The following CCR3 variants were observed in gnomAD, a reference collection of about 807,000 sequenced individuals.
The protein encoded by CCR3 is C-C chemokine receptor type 3.
For synonymous variants in CCR3, 203 were observed against 179.2 expected, an observed-to-expected ratio of 1.13 and a Z score of -1.06; for missense variants, 419 against 437.5, an observed-to-expected ratio of 0.96 and a Z score of 0.38.
intron 2 of CCR3, among the ~76,000 whole-genome samples, chr3:46,215,935 C>T (rs780969953): frequency 6.6e-6 from 1 of 152,210 alleles, no homozygotes; most frequent in Non-Finnish European, 1.5e-5. Context: ...AGCTTCACTT[C>T]ATGGGAATAG....
intron 1 of CCR3, among the ~76,000 whole-genome samples, chr3:46,250,735 G>T (rs531000807): frequency 6.6e-6 from 1 of 151,966 alleles, no homozygotes; most frequent in Non-Finnish European, 1.5e-5. Flanking sequence ...GAGGAATGGA[G>T]GGTGGAATTT....
chr3:46,243,342 G>A (rs1326741009), intron 1 of CCR3, among the ~76,000 whole-genome samples: 2 of 152,062 alleles, frequency 1.3e-5, no homozygotes, highest in African/African-American at 4.8e-5. Context: ...ACACAAATGT[G>A]GAACCCATGG....
chr3:46,223,389 T>A (rs1239234393), intron 2 of CCR3, among the ~76,000 whole-genome samples: 1 of 152,212 alleles, frequency 6.6e-6, no homozygotes, highest in Non-Finnish European at 1.5e-5. Context: ...TGGGCTTACA[T>A]ACAGTCTAAT....
intron 1 of CCR3, among the ~76,000 whole-genome samples, chr3:46,243,023 T>TATATATACACA (rs1700123595): frequency 1.5e-5 from 1 of 67,116 alleles, no homozygotes; most frequent in African/African-American, 9.5e-5. Context: ...ACATACATTT[T>TATATATACACA]TATATATACA....
At chr3:46,236,057 A>T (rs1263280191) in intron 2 of CCR3, among the ~76,000 whole-genome samples, 1 of 152,140 alleles carries the variant, frequency 6.6e-6, no homozygotes, top group Non-Finnish European at 1.5e-5. Flanking sequence ...TTATATATTG[A>T]TTAAGTATAC....
At chr3:46,212,923 G>A (rs555787994) in intron 2 of CCR3, among the ~76,000 whole-genome samples, 3 of 152,168 alleles carry the variant, frequency 2.0e-5, no homozygotes, top group Non-Finnish European at 4.4e-5. Context: ...TAGGGGGGTA[G>A]GGGGAGACCT....
intron 2 of CCR3, among the ~76,000 whole-genome samples, chr3:46,212,206 G>T (rs1193598568): frequency 6.6e-6 from 1 of 152,156 alleles, no homozygotes; most frequent in East Asian, 1.9e-4. Context: ...GGTGGTCACT[G>T]ATGCAAACCT....
At chr3:46,211,428 T>G (rs1246915760) in intron 2 of CCR3, among the ~76,000 whole-genome samples, 4 of 151,678 alleles carry the variant, frequency 2.6e-5, no homozygotes, top group Non-Finnish European at 5.9e-5. Context: ...GTTATCATGT[T>G]GCCTAGGTTG....
chr3:46,211,718 G>A (rs1339160637), intron 2 of CCR3, among the ~76,000 whole-genome samples: 1 of 152,080 alleles, frequency 6.6e-6, no homozygotes, highest in East Asian at 1.9e-4. Flanking sequence ...ATGTCACTTT[G>A]AACATAGAAC....
rs766991924 is a variant in CCR3 at position 46,265,224 on chromosome 3, G to A, written c.66G>A (p.Leu22=). ...CATCCTACTATGATGACGTGGGCCT[G>A]CTCTGTGAAAAAGCTGATACCAGAG... The part of the protein sequence containing the change: ...GTTSYYDDVG[L]LCEKADTRAL... The change falls in exon 2 of 2, where the codon CTG becomes CTA. Residue 22 remains leucine, a synonymous_variant. Transcript: ENST00000395940. 36 of 1,613,958 alleles carry A rather than the reference G, an allele frequency of 2.2e-5. No homozygotes were observed. In the South Asian group the frequency reaches 3.8e-4, roughly 17 times the overall value.
At chr3:46,237,572 T>C (rs558019936), upstream of CCR3, among the ~76,000 whole-genome samples, 2 of 152,322 alleles carry the variant, frequency 1.3e-5, no homozygotes, top group Admixed American at 1.3e-4. Context: ...AGTTTTAGGT[T>C]TTATGTTTAC....
In CCR3 at chr3:46,266,019, G is replaced by T. The variant is rs769657018; in HGVS notation, c.861G>T (p.Glu287Asp). The stretch of plus-strand genomic sequence containing the variant: ...TGGACCTGGTCATGCTGGTGACAGA[G>T]GTGATCGCCTACTCCCACTGCTGCA... ...KHLDLVMLVT[E>D]VIAYSHCCMN... Residue 287 changes from glutamate (E) to aspartate (D), a missense_variant, in exon 2 of 2, where the codon GAG (glutamate) becomes GAT (aspartate). Coordinates refer to ENST00000395940, the MANE Select transcript of CCR3 (RefSeq NM_178329.3). The T allele has an allele frequency of 6.2e-7, 1 of 1,614,088 alleles. No individual in the cohort carries two copies. The highest frequency in any genetic ancestry group is 8.5e-7 in the Non-Finnish European group (1 of 1,180,002).
intron 1 of CCR3, chr3:46,264,409 A>G (rs1700579946): frequency 6.5e-7 from 1 of 1,533,674 alleles, no homozygotes; most frequent in South Asian, 1.2e-5. Context: ...GGATTATGCC[A>G]TTTGGAATAA....
Position 46,230,721 on chromosome 3 carries a change from G to A in CCR3, c.-67-11681G>A, listed in dbSNP as rs558752970. On this transcript the variant is annotated intron_variant, in intron 2 of 3. Transcript: ENST00000357422. ...ATGCAGCCCCTCCATCTACCTCCTC[G>A]CCCCGTCCTCCGGATCACTGTCCTA... Among the ~76,000 whole-genome samples the A allele has an allele frequency of 2.6e-4, 40 of 152,066 alleles. No homozygotes were observed. The South Asian group carries it at 7.5e-3, about 28-fold the overall frequency.
At chr3:46,217,775 A>G (rs914082802) in intron 2 of CCR3, among the ~76,000 whole-genome samples, 1 of 152,092 alleles carries the variant, frequency 6.6e-6, no homozygotes, top group African/African-American at 2.4e-5. Flanking sequence ...GAATGACAAT[A>G]GTAACACAAC....
chr3:46,261,722 A>G lies in CCR3; in HGVS notation c.-11-3426A>G, dbSNP rs182072396. Among the ~76,000 whole-genome samples, 30 of 152,340 alleles carry G rather than the reference A, an allele frequency of 2.0e-4. No homozygotes were observed. The East Asian group carries it at 5.2e-3, about 26-fold the overall frequency. ...AAGTTGGTGGTCAGGCAGAAAAAAAAGATCTAGTTTGTACTCTTGAGAGTT... is the reference window on the plus strand; with the variant it reads ...AAGTTGGTGGTCAGGCAGAAAAAAAGGATCTAGTTTGTACTCTTGAGAGTT... On this transcript the variant is annotated intron_variant, in intron 1 of 1. Coordinates refer to ENST00000395940, the MANE Select transcript of CCR3 (RefSeq NM_178329.3).
chr3:46,253,954 T>G (rs1469466957), intron 1 of CCR3, among the ~76,000 whole-genome samples: 2 of 151,846 alleles, frequency 1.3e-5, no homozygotes, highest in African/African-American at 4.9e-5. Flanking sequence ...TGTTTCTTAC[T>G]CTGATTTATG....
intron 1 of CCR3, among the ~76,000 whole-genome samples, chr3:46,242,853 A>T (rs1243119700): frequency 6.6e-6 from 1 of 151,400 alleles, no homozygotes; most frequent in Non-Finnish European, 1.5e-5. Context: ...ACTTTCACAA[A>T]TTCTCAACTA....
upstream of CCR3, among the ~76,000 whole-genome samples, chr3:46,240,158 C>G (rs374415192): frequency 6.6e-6 from 1 of 152,184 alleles, no homozygotes; most frequent in African/African-American, 2.4e-5. Context: ...AAGCCAGATG[C>G]ACCACAATGG....
Sources: allele counts gnomAD v4.1 joint callset (sites outside exome capture counted in the v4.1 genomes callset), GRCh38; gene constraint gnomAD v4.1.1; transcripts MANE v1.5; gene names NCBI Gene and HGNC (gene_info 2026-07-23, HGNC 2026-07-21).